HERC2: variants seen among roughly 807,000 people sequenced by gnomAD.
HERC2 encodes the protein E3 ubiquitin-protein ligase HERC2.
In HERC2, 102 loss-of-function variants were observed where a neutral mutation model predicts 537.7. The observed-to-expected ratio is 0.19, with a 90% confidence interval of 0.16 to 0.22. HERC2 has a LOEUF of 0.22. Among genes scored for constraint, HERC2 ranks in the 10% least tolerant of loss-of-function variants. HERC2 has a pLI of 1.00. For synonymous variants in HERC2, 2,224 were observed against 2,466.2 expected (o/e 0.90, Z 2.91); for missense variants, 4,236 against 6,198.2 (o/e 0.68, Z 10.63).
At chr15:28,263,409 T>G (rs1476871365) in intron 14 of HERC2, among the ~76,000 whole-genome samples, 3 of 152,108 alleles carry the variant, frequency 2.0e-5, no homozygotes, top group African/African-American at 4.8e-5. Context: ...AAAAACAAAG[T>G]CCTGACTCTT....
In HERC2 at chr15:28,255,908, C is replaced by A. The variant is rs367705049; in HGVS notation, c.2835G>T (p.Glu945Asp). The A allele has an allele frequency of 1.7e-5, 28 of 1,602,472 alleles. No homozygotes were observed. The highest frequency in any genetic ancestry group is 5.1e-6 in the Non-Finnish European group (6 of 1,179,796). Reference protein sequence around the residue: ...VGSLMADGGLESALHAAITAE... With the variant: ...VGSLMADGGLDSALHAAITAE... ...CAGTAATGGCTGCGTGTAAGGCTGACTCCAACCCTCCATCAGCCATCAAGC... is the reference window on the plus strand; with the variant it reads ...CAGTAATGGCTGCGTGTAAGGCTGAATCCAACCCTCCATCAGCCATCAAGC... Residue 945 changes from glutamate to aspartate, a missense_variant, in exon 19 of 93, where the codon GAG becomes GAT. Transcript: ENST00000261609.
intron 2 of HERC2, among the ~76,000 whole-genome samples, chr15:28,313,113 G>C (rs1306879490): frequency 6.6e-6 from 1 of 150,478 alleles, no homozygotes; most frequent in East Asian, 1.9e-4. Flanking sequence ...ACGGCAGCCA[G>C]GGCAAGCCTT....
intron 3 of HERC2, 21 bp downstream of exon 3, chr15:28,299,381 A>C: frequency 9.8e-7 from 1 of 1,016,478 alleles, no homozygotes; most frequent in South Asian, 1.4e-5. Context: ...CAAATAAAAA[A>C]CACTAGTTAA....
At chr15:28,144,936 G>T in intron 71 of HERC2, 132 bp from the exon 72 acceptor site, 1 of 1,110,696 alleles carries the variant, frequency 9.0e-7, no homozygotes, top group Non-Finnish European at 1.3e-6. Flanking sequence ...GCTCTCCCAA[G>T]CCGAAGTGCA....
At chr15:28,185,965 A>G (rs1016089757) in intron 56 of HERC2, among the ~76,000 whole-genome samples, 2 of 152,258 alleles carry the variant, frequency 1.3e-5, no homozygotes, top group African/African-American at 2.4e-5. Context: ...AACAGTCATC[A>G]TCACAGTGCT....
chr15:28,292,302 G>A (rs978211487), intron 4 of HERC2, among the ~76,000 whole-genome samples: 1 of 151,012 alleles, frequency 6.6e-6, no homozygotes, highest in African/African-American at 2.4e-5. Context: ...GTATACAAAT[G>A]GTCAATAAGC....
intron 83 of HERC2, among the ~76,000 whole-genome samples, chr15:28,127,944 T>C (rs1329266069): frequency 6.6e-6 from 1 of 152,076 alleles, no homozygotes; most frequent in Non-Finnish European, 1.5e-5. Context: ...ACTAAATACT[T>C]GTTAATTATA....
intron 23 of HERC2, among the ~76,000 whole-genome samples, chr15:28,240,144 C>A (rs183601499): frequency 6.6e-6 from 1 of 152,116 alleles, no homozygotes; most frequent in East Asian, 1.9e-4. Context: ...AATCAGAGGG[C>A]GCAGTGGCTC....
chr15:28,207,587 T>C (rs984209987), intron 44 of HERC2, among the ~76,000 whole-genome samples: 1 of 152,134 alleles, frequency 6.6e-6, no homozygotes, highest in Non-Finnish European at 1.5e-5. Flanking sequence ...CTCAGGGTGA[T>C]GGCTTTTTGT....
In HERC2 at chr15:28,156,077, G is replaced by A. The variant is rs567085413; in HGVS notation, c.10747-3247C>T. ...TGTCAAAGATCAGATAGTTGTAGAT[G>A]TGTGGTATTATTTCTGAGGGCTCTG... is the stretch of plus-strand genomic sequence containing the variant. On this transcript the variant is annotated intron_variant, in intron 69 of 92. Coordinates refer to ENST00000261609, the MANE Select transcript of HERC2 (RefSeq NM_004667.6). Among the ~76,000 whole-genome samples, 78 of 152,230 alleles carry A rather than the reference G, an allele frequency of 5.1e-4. No homozygotes were observed. In the East Asian group the frequency reaches 9.5e-3, roughly 18 times the overall value.
intron 31 of HERC2, 97 bp from the exon 32 acceptor site, chr15:28,229,944 G>T: frequency 4.6e-6 from 4 of 863,314 alleles, no homozygotes; most frequent in Non-Finnish European, 7.5e-6. Context: ...AATGCTCATA[G>T]GTTTAAATTG....
Position 28,186,691 on chromosome 15 carries a change from A to G in HERC2, c.8711T>C (p.Ile2904Thr). 1 of 1,614,034 alleles carries G rather than the reference A, an allele frequency of 6.2e-7. No homozygotes were observed. The highest frequency in any genetic ancestry group is 8.5e-7 in the Non-Finnish European group (1 of 1,179,946). The change falls in exon 56 of 93, where the codon ATC (isoleucine) becomes ACC (threonine). Residue 2904 changes from isoleucine to threonine, a missense_variant. Ile to Thr is a moderately conservative substitution (Grantham distance 89). Transcript: ENST00000261609. ...QCRSSGIDCKIHGLILLGRIR... is the reference protein window; with the variant it reads ...QCRSSGIDCKTHGLILLGRIR... ...CCGTCCCAGCAGGATGAGACCATGG[A>G]TTTTACAATCGATTCCTGAGCTCCT...
intron 4 of HERC2, among the ~76,000 whole-genome samples, chr15:28,286,222 A>T (rs1379140379): frequency 6.6e-6 from 1 of 152,086 alleles, no homozygotes; most frequent in Non-Finnish European, 1.5e-5. Flanking sequence ...TAAGAAGCTA[A>T]TATTAGAAGC....
At chr15:28,164,256 T>TA (rs1479464868) in intron 68 of HERC2, among the ~76,000 whole-genome samples, 1 of 151,982 alleles carries the variant, frequency 6.6e-6, no homozygotes, top group African/African-American at 2.4e-5. Context: ...TCCACAAACA[T>TA]AAACAGGCTG....
At position 28,270,522 on chromosome 15, in the gene HERC2, A is replaced by G. The variant is rs376878592; in HGVS notation, c.1257+173T>C. Among the ~76,000 whole-genome samples the G allele has an allele frequency of 4.4e-3, 669 of 152,130 alleles. 6 individuals carry two copies. The highest frequency in any genetic ancestry group is 0.015 in the African/African-American group (618 of 41,486). ...CAGGCCTGTGCGCCTCAGCTTGCTC[A>G]TCACTCACTCTCAACACGGATAACA... is the stretch of plus-strand genomic sequence containing the variant. On this transcript the variant is annotated intron_variant, in intron 10 of 92. Coordinates refer to ENST00000261609, the MANE Select transcript of HERC2 (RefSeq NM_004667.6).
chr15:28,293,229 C>G (rs893497663), intron 3 of HERC2, among the ~76,000 whole-genome samples: 14 of 152,116 alleles, frequency 9.2e-5, no homozygotes, highest in African/African-American at 3.4e-4. Flanking sequence ...CGTGGTGGCT[C>G]ACGCCTGTAA....
chr15:28,158,043 G>A (rs1038895437), intron 69 of HERC2, among the ~76,000 whole-genome samples: 2 of 152,168 alleles, frequency 1.3e-5, no homozygotes, highest in African/African-American at 4.8e-5. Context: ...TAGTTGAGCA[G>A]TTTTGAGTGA....
chr15:28,214,813 A>G lies in HERC2; in HGVS notation c.6211-11T>C, dbSNP rs1255720408. ...ATGCACAGCTAAGATCTGATAAAAG[A>G]AAATTTATAACGACAAGCATTAAAA... On this transcript the variant is annotated splice_polypyrimidine_tract_variant and intron_variant, in intron 39 of 92. Coordinates refer to ENST00000261609, the MANE Select transcript of HERC2 (RefSeq NM_004667.6). 1 of 1,601,044 alleles carries G rather than the reference A, an allele frequency of 6.2e-7. No individual in the cohort carries two copies. Among genetic ancestry groups the G allele is most frequent in the African/African-American group, 1.3e-5 (1 of 74,390 alleles).
intron 20 of HERC2, 61 bp downstream of exon 20, chr15:28,254,279 T>TCA: frequency 4.0e-6 from 5 of 1,246,746 alleles, no homozygotes; most frequent in Non-Finnish European, 4.4e-6. Flanking sequence ...GCGAACTCTG[T>TCA]CACACACACA....
Sources: allele counts gnomAD v4.1 joint callset (sites outside exome capture counted in the v4.1 genomes callset), GRCh38; gene constraint gnomAD v4.1.1; transcripts MANE v1.5; gene names NCBI Gene and HGNC (gene_info 2026-07-23, HGNC 2026-07-21).